AOPEP: variants seen among roughly 807,000 people sequenced by gnomAD.
AOPEP encodes the protein aminopeptidase O.
In AOPEP, 77 loss-of-function variants were observed where a neutral mutation model predicts 98.1. The ratio of observed to expected loss-of-function variants is 0.78; its 90% CI spans 0.65 to 0.95. The LOEUF (loss-of-function observed/expected upper bound fraction) is 0.95, where lower values mean the gene tolerates loss of function less well. Ranked by LOEUF, AOPEP falls within the 40% of genes least tolerant of loss-of-function variation. The probability of loss-of-function intolerance (pLI) is 0.00; values close to 1 mark genes in which losing one functional copy is unlikely to be tolerated. For synonymous variants in AOPEP, 346 were observed against 365.3 expected (o/e 0.95, Z 0.60); for missense variants, 1,024 against 1,024.7 (o/e 1.00, Z 0.01).
intron 5 of AOPEP, among the ~76,000 whole-genome samples, chr9:94,837,640 C>T (rs1298433965): frequency 6.6e-6 from 1 of 152,122 alleles, no homozygotes; most frequent in Admixed American, 6.6e-5. Flanking sequence ...ACTATATAAA[C>T]AGAATTAAAA....
At chr9:94,895,578 T>A (rs974253053) in intron 5 of AOPEP, among the ~76,000 whole-genome samples, 5 of 152,080 alleles carry the variant, frequency 3.3e-5, no homozygotes, top group African/African-American at 1.2e-4. Context: ...GTAAGCCAAG[T>A]GCCTGCTTTT....
chr9:95,114,780 G>A, the AOPEP span: 1 of 1,329,810 alleles, frequency 7.5e-7, no homozygotes, highest in African/African-American at 1.4e-5. Context: ...CCACCTGCAG[G>A]GATGACCTGA....
Position 94,738,536 on chromosome 9 carries a change from T to C in AOPEP, c.-136+11785T>C, listed in dbSNP as rs566616229. 4.6e-5 allele frequency among the ~76,000 whole-genome samples: 7 copies of C among 152,254 alleles called. No homozygotes were observed. The East Asian group carries it at 1.4e-3, about 29-fold the overall frequency. The stretch of plus-strand genomic sequence containing the variant: ...GTGAACAGTTTTGTACCACCTGTGC[T>C]ACAGGAGATACAGAAAAGGACACGA... On this transcript the variant is annotated intron_variant, in intron 1 of 16. Transcript: ENST00000375315.
intron 5 of AOPEP, among the ~76,000 whole-genome samples, chr9:94,810,693 C>T (rs1278239752): frequency 6.6e-6 from 1 of 152,100 alleles, no homozygotes; most frequent in Non-Finnish European, 1.5e-5. Context: ...TGTATATTTT[C>T]TTTTTGATGT....
intron 13 of AOPEP, among the ~76,000 whole-genome samples, chr9:95,012,885 A>C (rs567456067): frequency 1.4e-5 from 2 of 138,578 alleles, no homozygotes; most frequent in Admixed American, 1.5e-4. Context: ...TGCATTAAAA[A>C]TTTTTTTTTC....
intron 11 of AOPEP, among the ~76,000 whole-genome samples, chr9:94,992,384 A>T (rs1465222186): frequency 6.6e-6 from 1 of 152,086 alleles, no homozygotes; most frequent in Non-Finnish European, 1.5e-5. Context: ...TCTGCTTCTG[A>T]TCCTGTCGAG....
chr9:95,112,085 C>T, the AOPEP span, among the ~76,000 whole-genome samples: 2 of 152,202 alleles, frequency 1.3e-5, no homozygotes, highest in South Asian at 2.1e-4. Flanking sequence ...TCAGCAACTA[C>T]GAATTTTTAA....
chr9:95,135,372 C>A, the AOPEP span: 1 of 1,614,018 alleles, frequency 6.2e-7, no homozygotes, highest in Non-Finnish European at 8.5e-7. Context: ...ATAAAGCATT[C>A]GATCCTTCTC....
At chr9:95,004,988 T>A (rs984504646) in intron 11 of AOPEP, 170 bp from the exon 12 acceptor site, 105 of 151,192 alleles carry the variant, frequency 6.9e-4, no homozygotes, top group Non-Finnish European at 9.7e-4. Context: ...GCGCCGCGCC[T>A]GAGGTGATGC....
downstream of AOPEP, among the ~76,000 whole-genome samples, chr9:95,087,544 G>A (rs1314031051): frequency 1.3e-5 from 1 of 77,302 alleles, no homozygotes; most frequent in Non-Finnish European, 3.2e-5. Flanking sequence ...CCACATTCTG[G>A]TGTTCCCCCC....
chr9:95,089,152 C>T (rs2070831643), downstream of AOPEP, among the ~76,000 whole-genome samples: 1 of 152,178 alleles, frequency 6.6e-6, no homozygotes, highest in Admixed American at 6.5e-5. Flanking sequence ...TCCTAAGAGA[C>T]TTGAGAGAAC....
chr9:94,967,618 A>G (rs2059286099), intron 9 of AOPEP, 140 bp from the exon 10 acceptor site: 4 of 651,118 alleles, frequency 6.1e-6, no homozygotes, highest in African/African-American at 3.7e-5. Flanking sequence ...AGTTGAGTCT[A>G]TAGTCTTTTA....
chr9:94,822,179 C>G (rs1388881335), intron 5 of AOPEP, among the ~76,000 whole-genome samples: 2 of 152,222 alleles, frequency 1.3e-5, no homozygotes, highest in African/African-American at 4.8e-5. Flanking sequence ...AGACGAGCTG[C>G]TGGTCATTTG....
At chr9:95,014,066 C>T (rs2062783751) in intron 13 of AOPEP, among the ~76,000 whole-genome samples, 1 of 152,194 alleles carries the variant, frequency 6.6e-6, no homozygotes, top group African/African-American at 2.4e-5. Context: ...ATATGAAGTG[C>T]TTTAAATGTA....
At chr9:95,089,243 T>A (rs2070832998), downstream of AOPEP, among the ~76,000 whole-genome samples, 1 of 152,174 alleles carries the variant, frequency 6.6e-6, no homozygotes, top group African/African-American at 2.4e-5. Flanking sequence ...AGGAGACAGA[T>A]GTGACCAGTA....
rs113184380 is a variant in AOPEP, at chr9:95,038,269, A to G, written c.2116-22425A>G. 4.9e-3 allele frequency among the ~76,000 whole-genome samples: 739 copies of G among 152,368 alleles called. 3 individuals are homozygous for G. The highest frequency in any genetic ancestry group is 7.8e-3 in the Non-Finnish European group (534 of 68,034). On this transcript the variant is annotated intron_variant, in intron 13 of 16. Transcript: ENST00000375315. ...TACCATCAAACTTGAATGACAGGGT[A>G]GATAGGAATGAGCCCAGCCCAGACT...
At position 94,727,345 on chromosome 9, in the gene AOPEP, T is replaced by TA. The variant is rs1446512925; in HGVS notation, c.-136+598dup. Among the ~76,000 whole-genome samples the TA allele has an allele frequency of 2.0e-5, 3 of 152,188 alleles. 1 individual carries two copies. The highest frequency in any genetic ancestry group is 1.3e-4 in the Admixed American group (2 of 15,280). On this transcript the variant is annotated intron_variant, in intron 1 of 16. Coordinates refer to ENST00000375315, the MANE Select transcript of AOPEP (RefSeq NM_001193329.3). ...TGATTATGATTATCTATTGTGATAA[T>TA]AAAATATCCACTTAGGATCCAATCC...
intron 5 of AOPEP, among the ~76,000 whole-genome samples, chr9:94,844,999 C>T (rs909098907): frequency 2.6e-5 from 4 of 152,212 alleles, no homozygotes; most frequent in African/African-American, 9.6e-5. Flanking sequence ...ATTTATGGAA[C>T]ACCTACTATG....
At chr9:95,142,677 T>C in the AOPEP span, 3 of 152,324 alleles carry the variant, frequency 2.0e-5, no homozygotes, top group African/African-American at 4.8e-5. Context: ...ACTATACTTA[T>C]AAAAGGGATC....
Sources: allele counts gnomAD v4.1 joint callset (sites outside exome capture counted in the v4.1 genomes callset), GRCh38; gene constraint gnomAD v4.1.1; transcripts MANE v1.5; gene names NCBI Gene and HGNC (gene_info 2026-07-23, HGNC 2026-07-21).